Variants in ZZZ3 observed in about 807,000 individuals in gnomAD.
ZZZ3 encodes ZZ-type zinc finger-containing protein 3.
In ZZZ3, 22 loss-of-function variants were observed where a neutral mutation model predicts 95.2. That is an observed-to-expected ratio of 0.23 (90% CI 0.17 to 0.33). The LOEUF (loss-of-function observed/expected upper bound fraction) is 0.33, where lower values mean the gene tolerates loss of function less well. Among genes scored for constraint, ZZZ3 ranks in the 10% least tolerant of loss-of-function variants. The pLI is 1.00. For synonymous variants in ZZZ3, 335 were observed against 358.9 expected (o/e 0.93, Z 0.75); for missense variants, 885 against 1,066.5 (o/e 0.83, Z 2.37).
chr1:77,574,306 GAAGT>G (rs1306322435), intron 12 of ZZZ3, among the ~76,000 whole-genome samples: 3 of 151,742 alleles, frequency 2.0e-5, no homozygotes, highest in Non-Finnish European at 4.4e-5. Flanking sequence ...TGAGACAAAG[GAAGT>G]AAGTATTACA....
chr1:77,620,509 G>A (rs1042770268), intron 5 of ZZZ3, among the ~76,000 whole-genome samples: 2 of 150,232 alleles, frequency 1.3e-5, no homozygotes, highest in African/African-American at 4.9e-5. Context: ...AAGGAAGGAA[G>A]GAAGGAAGGA....
intron 5 of ZZZ3, among the ~76,000 whole-genome samples, chr1:77,605,381 A>T (rs1449323934): frequency 1.3e-5 from 2 of 152,170 alleles, no homozygotes; most frequent in African/African-American, 2.4e-5. Flanking sequence ...ACCTGGACTA[A>T]AGTGCTCTAG....
chr1:77,598,255 A>C (rs1664403242), intron 5 of ZZZ3, among the ~76,000 whole-genome samples: 1 of 152,190 alleles, frequency 6.6e-6, no homozygotes, highest in African/African-American at 2.4e-5. Context: ...AGTAAGCTAG[A>C]GAACAGAATA....
intron 4 of ZZZ3, among the ~76,000 whole-genome samples, chr1:77,635,340 A>G (rs1668199964): frequency 6.6e-6 from 1 of 152,238 alleles, no homozygotes; most frequent in South Asian, 2.1e-4. Context: ...GAATTAAAGC[A>G]TGGTTATATG....
intron 1 of ZZZ3, among the ~76,000 whole-genome samples, chr1:77,659,943 C>T (rs1272739534): frequency 2.0e-5 from 3 of 152,200 alleles, no homozygotes; most frequent in East Asian, 3.9e-4. Flanking sequence ...AGCGATACTC[C>T]TGCTTTAGCC....
chr1:77,618,619 G>A lies in ZZZ3; in HGVS notation c.1505+13231C>T, dbSNP rs897118199. Among the ~76,000 whole-genome samples the A allele has an allele frequency of 1.3e-4, 20 of 152,168 alleles. 1 individual carries two copies. The highest frequency in any genetic ancestry group is 1.9e-4 in the East Asian group (1 of 5,182). On this transcript the variant is annotated intron_variant, in intron 5 of 14. Transcript: ENST00000370801. The stretch of plus-strand genomic sequence containing the variant: ...ATTTGTTTTCTGATCATGAGTATTC[G>A]CAAGATTGTTTGCTATCATTTATTT...
Position 77,586,406 on chromosome 1 carries a change from A to T in ZZZ3, c.1506-1751T>A, listed in dbSNP as rs528575562. 2.0e-5 allele frequency among the ~76,000 whole-genome samples: 3 copies of T among 152,338 alleles called. No individual in the cohort carries two copies. The South Asian group carries it at 6.2e-4, about 32-fold the overall frequency. ...AATGCTGTAGGTACAGTAACAACTA[A>T]TAAGGCACAAGTAAAAATAGGGTTA... On this transcript the variant is annotated intron_variant, in intron 5 of 14. Coordinates refer to ENST00000370801, the MANE Select transcript of ZZZ3 (RefSeq NM_015534.6).
intron 1 of ZZZ3, among the ~76,000 whole-genome samples, chr1:77,668,138 T>C (rs1430531064): frequency 1.3e-5 from 2 of 152,226 alleles, no homozygotes; most frequent in Admixed American, 6.6e-5. Flanking sequence ...TTTCTTTAGA[T>C]TACTCACGTT....
intron 5 of ZZZ3, among the ~76,000 whole-genome samples, chr1:77,623,676 T>C (rs1667084810): frequency 6.6e-6 from 1 of 152,206 alleles, no homozygotes; most frequent in Admixed American, 6.5e-5. Flanking sequence ...AACAAAATCC[T>C]GACCCTCAGC....
intron 1 of ZZZ3, among the ~76,000 whole-genome samples, chr1:77,658,352 A>C (rs1316351783): frequency 1.3e-5 from 2 of 151,606 alleles, no homozygotes; most frequent in African/African-American, 4.8e-5. Flanking sequence ...GGATTTTTTT[A>C]TTTTTTAGAG....
chr1:77,575,966 T>C, intron 12 of ZZZ3, 102 bp downstream of exon 12: 1 of 966,520 alleles, frequency 1.0e-6, no homozygotes, highest in East Asian at 2.7e-5. Flanking sequence ...TTTGACTTGT[T>C]CATTAAAAGA....
At chr1:77,630,996 T>C (rs555202336) in intron 5 of ZZZ3, among the ~76,000 whole-genome samples, 6 of 152,328 alleles carry the variant, frequency 3.9e-5, no homozygotes, top group African/African-American at 9.6e-5. Context: ...CATAAGTCTG[T>C]CTTTTATTGT....
intron 1 of ZZZ3, among the ~76,000 whole-genome samples, chr1:77,645,827 A>G (rs1463491643): frequency 6.6e-6 from 1 of 151,774 alleles, no homozygotes; most frequent in Non-Finnish European, 1.5e-5. Context: ...AAAATTAGCC[A>G]GGTGTGGTGG....
chr1:77,581,139 A>G (rs1662478790), intron 8 of ZZZ3, 70 bp from the exon 9 acceptor site: 3 of 1,176,772 alleles, frequency 2.5e-6, no homozygotes, highest in Non-Finnish European at 3.7e-6. Flanking sequence ...GCCAAATAAC[A>G]CGCAAATTGT....
At chr1:77,658,098 G>C (rs1256930878) in intron 1 of ZZZ3, among the ~76,000 whole-genome samples, 1 of 142,810 alleles carries the variant, frequency 7.0e-6, no homozygotes, top group Admixed American at 7.4e-5. Flanking sequence ...AGAATCGCTT[G>C]AATGCAGGAG....
intron 5 of ZZZ3, among the ~76,000 whole-genome samples, chr1:77,624,124 G>C (rs1260609668): frequency 6.6e-6 from 1 of 152,086 alleles, no homozygotes; most frequent in East Asian, 1.9e-4. Flanking sequence ...TCCCAGTTCT[G>C]GGCATAGAGC....
chr1:77,572,491 C>G (rs1451238966), intron 12 of ZZZ3, among the ~76,000 whole-genome samples: 1 of 152,112 alleles, frequency 6.6e-6, no homozygotes, highest in Non-Finnish European at 1.5e-5. Flanking sequence ...AAGCATGCAC[C>G]ACCATACCTG....
intron 1 of ZZZ3, among the ~76,000 whole-genome samples, chr1:77,647,984 C>T (rs1250370191): frequency 6.6e-6 from 1 of 152,106 alleles, no homozygotes; most frequent in Non-Finnish European, 1.5e-5. Context: ...TCCCAGAACA[C>T]AGGCCAAGAA....
intron 1 of ZZZ3, among the ~76,000 whole-genome samples, chr1:77,655,196 A>T (rs1283754261): frequency 6.6e-6 from 1 of 152,212 alleles, no homozygotes; most frequent in Non-Finnish European, 1.5e-5. Context: ...TCCATTCATG[A>T]GGGCAGAGAC....
Sources: allele counts gnomAD v4.1 joint callset (sites outside exome capture counted in the v4.1 genomes callset), GRCh38; gene constraint gnomAD v4.1.1; transcripts MANE v1.5; gene names NCBI Gene and HGNC (gene_info 2026-07-23, HGNC 2026-07-21).